LINGO2: variants seen among roughly 807,000 people sequenced by gnomAD.
LINGO2 encodes leucine rich repeat and Ig domain containing 2.
Under a neutral mutation model 30.6 loss-of-function variants are expected in LINGO2, and 14 were observed. That is an observed-to-expected ratio of 0.46 (90% confidence interval 0.30 to 0.72). The LOEUF is 0.72. Among genes scored for constraint, LINGO2 ranks in the 30% least tolerant of loss-of-function variants. The probability of loss-of-function intolerance (pLI) is 0.07; values close to 1 mark genes in which losing one functional copy is unlikely to be tolerated. For synonymous variants in LINGO2, 317 were observed against 288.5 expected (o/e 1.10, Z -1.00); for missense variants, 729 against 751.7 (o/e 0.97, Z 0.35).
chr9:29,129,958 T>C, the LINGO2 span, among the ~76,000 whole-genome samples: 1 of 152,122 alleles, frequency 6.6e-6, no homozygotes, highest in Non-Finnish European at 1.5e-5. Context: ...TGAAAAGGAT[T>C]TGTGTCAAAA....
chr9:27,994,650 A>C (rs1459602809), intron 5 of LINGO2, among the ~76,000 whole-genome samples: 1 of 152,208 alleles, frequency 6.6e-6, no homozygotes, highest in Non-Finnish European at 1.5e-5. Context: ...GGCAAAGGGC[A>C]ATGAAGAAAT....
chr9:28,825,654 C>T, the LINGO2 span, among the ~76,000 whole-genome samples: 1 of 151,822 alleles, frequency 6.6e-6, no homozygotes, highest in Admixed American at 6.6e-5. Flanking sequence ...ATTAACCCTC[C>T]TGCAGTAAAA....
At chr9:28,374,206 T>TA (rs1554713022) in intron 2 of LINGO2, among the ~76,000 whole-genome samples, 2,974 of 109,822 alleles carry the variant, frequency 0.027, 111 homozygotes, top group African/African-American at 0.096. Context: ...AAATATGTTT[T>TA]TATTTATATA....
chr9:28,695,873 A>G, the LINGO2 span, among the ~76,000 whole-genome samples: 1 of 152,072 alleles, frequency 6.6e-6, no homozygotes, highest in Admixed American at 6.6e-5. Flanking sequence ...ATAATTTTTA[A>G]AATGGTATTT....
intron 3 of LINGO2, among the ~76,000 whole-genome samples, chr9:28,369,395 C>T (rs1820812005): frequency 2.0e-5 from 3 of 152,142 alleles, no homozygotes; most frequent in Non-Finnish European, 2.9e-5. Context: ...GATAAAAGCT[C>T]ACACCATGTT....
In LINGO2 at chr9:28,093,547, A is replaced by G. The variant is rs572084491; in HGVS notation, c.-86-81142T>C. Among the ~76,000 whole-genome samples the G allele has an allele frequency of 2.0e-5, 3 of 152,056 alleles. No individual in the cohort carries two copies. The South Asian group carries it at 6.2e-4, about 32-fold the overall frequency. ...AACATTAGTTTTTTTTTTAACCGTC[A>G]CTTTTGCCAAAACTTTTAATATTTT... On this transcript the variant is annotated intron_variant, in intron 4 of 5. Transcript: ENST00000379992.
chr9:28,142,634 A>G (rs1587071854), intron 4 of LINGO2, among the ~76,000 whole-genome samples: 1 of 152,220 alleles, frequency 6.6e-6, no homozygotes, highest in Non-Finnish European at 1.5e-5. Flanking sequence ...ATCTCAGTGT[A>G]TATTAGTAAT....
chr9:28,076,749 C>G (rs1426382752), intron 4 of LINGO2, among the ~76,000 whole-genome samples: 1 of 152,032 alleles, frequency 6.6e-6, no homozygotes, highest in African/African-American at 2.4e-5. Flanking sequence ...TGATTGTCAG[C>G]TATCTTTGGA....
chr9:28,121,959 T>C (rs2133400935), intron 4 of LINGO2, among the ~76,000 whole-genome samples: 1 of 152,214 alleles, frequency 6.6e-6, no homozygotes, highest in East Asian at 1.9e-4. Flanking sequence ...TTCATAACAT[T>C]GCCAAAAATA....
intron 3 of LINGO2, among the ~76,000 whole-genome samples, chr9:28,359,984 T>C (rs1820376909): frequency 6.6e-6 from 1 of 152,160 alleles, no homozygotes; most frequent in Admixed American, 6.5e-5. Flanking sequence ...CTCATGTAGA[T>C]TGAGGTTAAT....
At chr9:29,126,479 AC>A in the LINGO2 span, among the ~76,000 whole-genome samples, 1 of 152,166 alleles carries the variant, frequency 6.6e-6, no homozygotes, top group Non-Finnish European at 1.5e-5. Context: ...TAATCTCAAT[AC>A]AGAAATATTT....
the LINGO2 span, among the ~76,000 whole-genome samples, chr9:28,704,961 T>G: frequency 6.6e-6 from 1 of 152,050 alleles, no homozygotes; most frequent in African/African-American, 2.4e-5. Flanking sequence ...GGTTGTAACT[T>G]TTTCTCATAC....
At chr9:28,609,285 C>G (rs1006088321) in intron 1 of LINGO2, among the ~76,000 whole-genome samples, 1 of 150,300 alleles carries the variant, frequency 6.7e-6, no homozygotes, top group African/African-American at 2.4e-5. Context: ...AATATCGAAA[C>G]AGTTCATAAT....
intron 4 of LINGO2, among the ~76,000 whole-genome samples, chr9:28,293,666 A>C (rs1823819989): frequency 6.6e-6 from 1 of 152,086 alleles, no homozygotes; most frequent in African/African-American, 2.4e-5. Context: ...TGTAGTACTA[A>C]GAGAGGAATG....
At chr9:28,789,446 C>T in the LINGO2 span, among the ~76,000 whole-genome samples, 4 of 152,064 alleles carry the variant, frequency 2.6e-5, no homozygotes, top group Non-Finnish European at 5.9e-5. Context: ...TCACTGTTTG[C>T]CCAGCTTGGA....
the LINGO2 span, among the ~76,000 whole-genome samples, chr9:29,073,263 A>G: frequency 6.6e-6 from 1 of 152,196 alleles, no homozygotes; most frequent in Non-Finnish European, 1.5e-5. Flanking sequence ...TGATATTAGA[A>G]CAAAATAAAA....
intron 4 of LINGO2, among the ~76,000 whole-genome samples, chr9:28,025,015 G>C (rs1164180997): frequency 1.3e-5 from 2 of 152,158 alleles, no homozygotes; most frequent in Non-Finnish European, 2.9e-5. Flanking sequence ...ATGGCTCAAA[G>C]GCAGTAATCA....
At position 28,593,613 on chromosome 9, in the gene LINGO2, A is replaced by C. The variant is rs375242457; in HGVS notation, c.-365+76587T>G. ...TTCATAAAATACTCCTAACATATTT[A>C]AAACTTCTCTGCAAGCCAAGCCCCA... is the stretch of plus-strand genomic sequence containing the variant. On this transcript the variant is annotated intron_variant, in intron 1 of 5. Coordinates refer to ENST00000379992, the Ensembl canonical transcript of LINGO2. 2.6e-5 allele frequency among the ~76,000 whole-genome samples: 4 copies of C among 152,130 alleles called. No individual in the cohort carries two copies. In the South Asian group the frequency reaches 6.2e-4, roughly 24 times the overall value.
At chr9:28,795,407 C>T in the LINGO2 span, among the ~76,000 whole-genome samples, 4 of 151,974 alleles carry the variant, frequency 2.6e-5, no homozygotes, top group African/African-American at 9.7e-5. Context: ...GAAAAAGCAG[C>T]GTTAGATTCT....
Sources: gnomAD v4.1 joint callset for allele counts (sites outside exome capture counted in the v4.1 genomes callset) on GRCh38, gnomAD v4.1.1 for gene constraint, MANE v1.5 for transcripts, NCBI Gene and HGNC (gene_info 2026-07-23, HGNC 2026-07-21) for gene names.